Variants in PUDP observed in about 807,000 individuals in gnomAD.
The protein encoded by PUDP is pseudouridine 5'-phosphatase, also known as pseudouridine-5'-phosphatase.
A neutral mutation model predicts 9.4 loss-of-function variants in PUDP; 8 were observed. That is an observed-to-expected ratio of 0.85 (90% CI 0.50 to 1.53). The LOEUF (loss-of-function observed/expected upper bound fraction) is 1.53. PUDP is among the 40% of genes most tolerant of loss of function. The pLI, the probability that PUDP is intolerant of heterozygous loss-of-function variation, is 0.00. For synonymous variants in PUDP, 99 were observed against 80.7 expected (o/e 1.23, Z -1.22); for missense variants, 188 against 189.7 (o/e 0.99, Z 0.05).
intron 1 of PUDP, among the ~76,000 whole-genome samples, chrX:7,125,780 G>T (rs564282634): frequency 1.8e-5 from 2 of 111,523 alleles, no homozygotes; most frequent in South Asian, 7.7e-4. Context: ...GCTTGTGCAG[G>T]AAAACTCCTT....
chrX:7,125,262 T>C (rs1932456211), intron 1 of PUDP, among the ~76,000 whole-genome samples: 1 of 111,724 alleles, frequency 9.0e-6, no homozygotes, highest in African/African-American at 3.3e-5. Context: ...TTAATCATTT[T>C]TTTTCCCATT....
intron 3 of PUDP, among the ~76,000 whole-genome samples, chrX:6,767,961 C>T (rs1925306297): frequency 9.0e-6 from 1 of 111,463 alleles, no homozygotes; most frequent in African/African-American, 3.3e-5. Flanking sequence ...CAAAGCCCTT[C>T]CAGATCTCTC....
At chrX:6,983,760 G>A (rs1175947288) in intron 1 of PUDP, among the ~76,000 whole-genome samples, 1 of 112,425 alleles carries the variant, frequency 8.9e-6, no homozygotes, top group Non-Finnish European at 1.9e-5. Context: ...ACAGAAGGCC[G>A]ATTCACACTT....
chrX:7,067,726 G>A (rs1930607448), intron 3 of PUDP, among the ~76,000 whole-genome samples: 1 of 111,554 alleles, frequency 9.0e-6, no homozygotes, highest in African/African-American at 3.3e-5. Context: ...GGAACACCAC[G>A]GGAAAAGAAA....
intron 1 of PUDP, among the ~76,000 whole-genome samples, chrX:7,019,889 T>A (rs766100842): frequency 1.8e-5 from 2 of 111,735 alleles, no homozygotes; most frequent in Non-Finnish European, 3.8e-5. Context: ...TCCCTTGGCC[T>A]CTGCAAGGAT....
rs1251279913 is a variant in PUDP at position 7,048,940 on chromosome X, A to G, written c.*1356T>C. On this transcript the variant is annotated 3_prime_UTR_variant, in exon 4 of 4. Coordinates refer to ENST00000381077, the MANE Select transcript of PUDP (RefSeq NM_012080.5). ...ATATCAACATGTGTCAAAAGATTTT[A>G]TTAAACTAATTCAATTTGTTAGGGA... is the stretch of plus-strand genomic sequence containing the variant. 3 of 112,474 alleles carry G rather than the reference A, an allele frequency of 2.7e-5. No individual in the cohort carries two copies. The highest frequency in any genetic ancestry group is 5.6e-5 in the Non-Finnish European group (3 of 53,342). The allele number at this position is 112,474 out of a possible 1,213,427, so 9.3% of individuals were successfully genotyped here.
intron 3 of PUDP, among the ~76,000 whole-genome samples, chrX:6,898,307 C>T (rs1927622646): frequency 8.9e-6 from 1 of 112,944 alleles, no homozygotes; most frequent in Non-Finnish European, 1.9e-5. Context: ...TTCAACTCAA[C>T]TCTGTTTTTC....
chrX:6,966,833 G>T (rs1045618539), intron 3 of PUDP, among the ~76,000 whole-genome samples: 1 of 111,843 alleles, frequency 8.9e-6, no homozygotes, highest in Non-Finnish European at 1.9e-5. Flanking sequence ...ACAGGTGTGA[G>T]CCACTGCACC....
At chrX:7,050,514 C>G in intron 3 of PUDP, 42 bp from the exon 4 acceptor site, 1 of 1,112,411 alleles carries the variant, frequency 9.0e-7, no homozygotes, top group Non-Finnish European at 1.2e-6. Context: ...TTTTATGGAA[C>G]CAGACATGTG....
intron 3 of PUDP, among the ~76,000 whole-genome samples, chrX:6,733,848 A>G (rs1868647): frequency 0.44 from 39,866 of 91,518 alleles, 7,266 homozygotes; most frequent in East Asian, 0.57. Context: ...CAGGATCTCG[A>G]CTCACTGCAG....
At chrX:7,037,650 G>C (rs1257626914) in intron 1 of PUDP, among the ~76,000 whole-genome samples, 3 of 112,239 alleles carry the variant, frequency 2.7e-5, no homozygotes, top group African/African-American at 9.7e-5. Flanking sequence ...TAGGGGATCT[G>C]TAGCTTCATC....
Position 7,148,145 on chromosome X carries a change from G to A in PUDP, c.-32C>T, listed in dbSNP as rs1407198770. ...GCCTTCTGGGTCTGGGTGGGGGCGA[G>A]GAGGAAGTGCGCGCGCACCCGCCCG... On this transcript the variant is annotated 5_prime_UTR_variant, in exon 1 of 4. Coordinates refer to ENST00000381077, the MANE Select transcript of PUDP (RefSeq NM_012080.5). 1.2e-5 allele frequency: 13 copies of A among 1,044,671 alleles called. No homozygotes were observed. Among genetic ancestry groups the A allele is most frequent in the Non-Finnish European group, 1.7e-5 (13 of 782,324 alleles). 86.1% of individuals were successfully genotyped at this position (1,044,671 alleles called of 1,213,427 possible). A position where few individuals can be genotyped will look rare whatever the true frequency, so the allele number is the denominator to read the frequency against.
At chrX:7,004,744 C>G (rs1207942979) in intron 1 of PUDP, among the ~76,000 whole-genome samples, 3 of 111,960 alleles carry the variant, frequency 2.7e-5, no homozygotes, top group African/African-American at 9.8e-5. Context: ...TTGCTAGAAA[C>G]ACTGTTTAAA....
At chrX:6,901,060 G>A (rs1385806938) in intron 3 of PUDP, among the ~76,000 whole-genome samples, 4 of 111,572 alleles carry the variant, frequency 3.6e-5, no homozygotes, top group Non-Finnish European at 7.5e-5. Context: ...ACAGGCATGA[G>A]CCACTGCGCC....
chrX:7,103,641 C>G (rs1033861276), intron 2 of PUDP, among the ~76,000 whole-genome samples: 21 of 112,050 alleles, frequency 1.9e-4, no homozygotes, highest in African/African-American at 6.8e-4. Flanking sequence ...AGAAAATGGT[C>G]ATAAGTCATA....
chrX:6,708,467 A>G (rs1391928349), intron 1 of PUDP, among the ~76,000 whole-genome samples: 5 of 111,823 alleles, frequency 4.5e-5, no homozygotes, highest in Non-Finnish European at 9.4e-5. Context: ...ATGAGATTGT[A>G]TCTGTGGAAT....
intron 3 of PUDP, among the ~76,000 whole-genome samples, chrX:7,065,431 G>A (rs1251010565): frequency 8.9e-6 from 1 of 112,391 alleles, no homozygotes; most frequent in African/African-American, 3.2e-5. Context: ...ATTCACCTTA[G>A]TGTTGGAAGT....
chrX:6,797,992 T>G (rs114524466), intron 3 of PUDP, among the ~76,000 whole-genome samples: 2,084 of 112,213 alleles, frequency 0.019, 56 homozygotes, highest in African/African-American at 0.064. Context: ...CTAAACTACT[T>G]TAATGATTAT....
At chrX:7,103,850 A>T (rs1931805920) in intron 2 of PUDP, among the ~76,000 whole-genome samples, 1 of 112,440 alleles carries the variant, frequency 8.9e-6, no homozygotes, top group African/African-American at 3.2e-5. Context: ...AAGAGATATC[A>T]ACTCACACCC....
Sources: gnomAD v4.1 joint callset for allele counts (sites outside exome capture counted in the v4.1 genomes callset) on GRCh38, gnomAD v4.1.1 for gene constraint, MANE v1.5 for transcripts, NCBI Gene and HGNC (gene_info 2026-07-23, HGNC 2026-07-21) for gene names.